Variants in PRKCB observed in about 807,000 individuals in gnomAD.
PRKCB encodes the protein protein kinase C beta type.
Under a neutral mutation model 81.5 loss-of-function variants are expected in PRKCB, and 13 were observed. The observed-to-expected ratio is 0.16, with a 90% CI of 0.10 to 0.25. The LOEUF (loss-of-function observed/expected upper bound fraction) is 0.25. Among genes scored for constraint, PRKCB ranks in the 10% least tolerant of loss-of-function variants. The pLI is 1.00. For synonymous variants in PRKCB, 335 were observed against 321.4 expected (o/e 1.04, Z -0.45); for missense variants, 509 against 875.7 (o/e 0.58, Z 5.29).
At chr16:24,064,696 G>A (rs993921177) in intron 5 of PRKCB, among the ~76,000 whole-genome samples, 3 of 151,504 alleles carry the variant, frequency 2.0e-5, no homozygotes, top group East Asian at 1.9e-4. Flanking sequence ...TATGATTCTG[G>A]GTTTTTTTCC....
At chr16:23,843,075 GT>G (rs1240483277) in intron 2 of PRKCB, among the ~76,000 whole-genome samples, 1 of 152,140 alleles carries the variant, frequency 6.6e-6, no homozygotes, top group Middle Eastern at 3.2e-3. Context: ...GTTTATTTTA[GT>G]GGGTAATTAA....
Position 24,036,273 on chromosome 16 carries a change from C to T in PRKCB, c.529+726C>T, listed in dbSNP as rs566350150. On this transcript the variant is annotated intron_variant, in intron 5 of 16. Coordinates refer to ENST00000643927, the MANE Select transcript of PRKCB (RefSeq NM_002738.7). The stretch of plus-strand genomic sequence containing the variant: ...CATGTATCCCAGCATTCAAGACATA[C>T]CTGGCTCTGATATGGGAAGTTCAAG... Among the ~76,000 whole-genome samples, 269 of 152,094 alleles carry T rather than the reference C, an allele frequency of 1.8e-3. 2 individuals carry two copies. Among genetic ancestry groups the T allele is most frequent in the African/African-American group, 6.0e-3 (249 of 41,460 alleles).
chr16:24,172,404 G>C (rs1428956354), intron 11 of PRKCB, 43 bp downstream of exon 11: 2 of 1,559,480 alleles, frequency 1.3e-6, no homozygotes, highest in Non-Finnish European at 1.8e-6. Flanking sequence ...GGGATAAATG[G>C]GTAGGTTAGT....
chr16:23,945,843 A>G (rs1184116901), intron 2 of PRKCB, among the ~76,000 whole-genome samples: 2 of 152,234 alleles, frequency 1.3e-5, no homozygotes, highest in Non-Finnish European at 2.9e-5. Flanking sequence ...GTTTCTCACC[A>G]TGGGCAATTT....
rs1966695829 is a variant in PRKCB at position 24,113,158 on chromosome 16, T to C, written c.918+89T>C. On this transcript the variant is annotated intron_variant, in intron 8 of 16. Transcript: ENST00000643927. Reference sequence around the variant, plus strand: ...GCTCCCTCCTCTTTCTTTCTCTTTCTCTCTTATTCTTTTTTCTCTCCTTCC... The same window carrying C: ...GCTCCCTCCTCTTTCTTTCTCTTTCCCTCTTATTCTTTTTTCTCTCCTTCC... 3 of 927,958 alleles carry C rather than the reference T, an allele frequency of 3.2e-6. No homozygotes were observed. The Admixed American group carries it at 9.2e-5, about 29-fold the overall frequency. The allele number at this position is 927,958 out of a possible 1,614,324, so 57.5% of individuals were successfully genotyped here. A position where few individuals can be genotyped will look rare whatever the true frequency, so the allele number is the denominator to read the frequency against.
chr16:23,842,912 A>T (rs1183190447), intron 2 of PRKCB, among the ~76,000 whole-genome samples: 1 of 152,238 alleles, frequency 6.6e-6, no homozygotes, highest in African/African-American at 2.4e-5. Flanking sequence ...GCTAGAATTG[A>T]TGATAATGAG....
intron 9 of PRKCB, 100 bp from the exon 10 acceptor site, chr16:24,154,584 C>A: frequency 8.7e-7 from 1 of 1,149,508 alleles, no homozygotes; most frequent in Non-Finnish European, 1.3e-6. Context: ...ACAGAAGGCA[C>A]CTATACAAAG....
chr16:24,077,110 C>T (rs1274663205), intron 5 of PRKCB, among the ~76,000 whole-genome samples: 1 of 152,056 alleles, frequency 6.6e-6, no homozygotes, highest in Non-Finnish European at 1.5e-5. Flanking sequence ...TGTTCCAGTA[C>T]TGAGCACAGC....
In PRKCB at chr16:23,902,804, T is replaced by C. The variant is rs867223927; in HGVS notation, c.205+65398T>C. Among the ~76,000 whole-genome samples the C allele has an allele frequency of 7.1e-3, 343 of 48,226 alleles. 5 individuals carry two copies. Among genetic ancestry groups the C allele is most frequent in the South Asian group, 0.025 (31 of 1,238 alleles). 31.6% of individuals were successfully genotyped at this position (48,226 alleles called of 152,430 possible). A position where few individuals can be genotyped will look rare whatever the true frequency, so the allele number is the denominator to read the frequency against. ...TTCCTCCCTCCCTCCCTCCCTTCCT[T>C]CCTTCCTTCCTTTTTTTGAGATAGG... On this transcript the variant is annotated intron_variant, in intron 2 of 16. Coordinates refer to ENST00000643927, the MANE Select transcript of PRKCB (RefSeq NM_002738.7).
intron 10 of PRKCB, among the ~76,000 whole-genome samples, chr16:24,160,086 T>C (rs1340558202): frequency 6.6e-6 from 1 of 152,092 alleles, no homozygotes; most frequent in African/African-American, 2.4e-5. Flanking sequence ...CACATTTCTA[T>C]TCAATGGAAA....
intron 3 of PRKCB, among the ~76,000 whole-genome samples, chr16:24,002,346 C>T (rs569328399): frequency 3.8e-4 from 57 of 151,052 alleles, no homozygotes; most frequent in African/African-American, 1.3e-3. Flanking sequence ...TGTGTGCGTG[C>T]GTGCGTGTGT....
intron 3 of PRKCB, among the ~76,000 whole-genome samples, chr16:24,015,239 A>C (rs72779937): frequency 6.6e-6 from 1 of 152,132 alleles, no homozygotes; most frequent in Non-Finnish European, 1.5e-5. Context: ...CAGCACTGTC[A>C]TTTCTCTCCA....
In PRKCB at chr16:23,856,701, T is replaced by A. The variant is rs1341627131; in HGVS notation, c.205+19295T>A. Among the ~76,000 whole-genome samples, 5 of 152,088 alleles carry A rather than the reference T, an allele frequency of 3.3e-5. No individual in the cohort carries two copies. In the East Asian group the frequency reaches 9.6e-4, roughly 29 times the overall value. On this transcript the variant is annotated intron_variant, in intron 2 of 16. Coordinates refer to ENST00000643927, the MANE Select transcript of PRKCB (RefSeq NM_002738.7). ...ATCATGCCTGGCTAATTTCTAAAAC[T>A]TTTTGTAGAGATAGGGTCTCCCTAT...
At chr16:23,848,696 G>C (rs1246845773) in intron 2 of PRKCB, among the ~76,000 whole-genome samples, 1 of 152,186 alleles carries the variant, frequency 6.6e-6, no homozygotes, top group African/African-American at 2.4e-5. Context: ...AGAAAGAAAG[G>C]CTTCGATTTA....
chr16:24,131,393 G>A (rs1449561333), intron 9 of PRKCB, among the ~76,000 whole-genome samples: 1 of 152,196 alleles, frequency 6.6e-6, no homozygotes, highest in Non-Finnish European at 1.5e-5. Flanking sequence ...GCTGTGGAGG[G>A]TCTGGTGGTG....
rs559631819 is a variant in PRKCB at position 24,219,366 on chromosome 16, T to C, written c.*4550T>C. The C allele has an allele frequency of 3.0e-6, 3 of 985,438 alleles. No individual in the cohort carries two copies. The African/African-American group carries it at 5.2e-5, about 17-fold the overall frequency. The allele number at this position is 985,438 out of a possible 1,614,324, so 61.0% of individuals were successfully genotyped here. On this transcript the variant is annotated 3_prime_UTR_variant, in exon 17 of 17. Transcript: ENST00000643927. ...TAAAAATGTCTTTGGAGAGAACTTC[T>C]GCCTGATAAACACCCAATTCTAGAC... is the stretch of plus-strand genomic sequence containing the variant.
Position 24,191,220 on chromosome 16 carries a change from A to G in PRKCB, c.1853A>G (p.Lys618Arg). The change falls in exon 16 of 17, where the codon AAG becomes AGG. Residue 618 changes from lysine (K) to arginine (R), a missense_variant. Lys to Arg is a conservative substitution (Grantham distance 26). Around this residue, in one of 6 missense-constraint regions of PRKCB, gnomAD observed 104 missense variants for 160.5 expected, o/e 0.65. Coordinates refer to ENST00000643927, the MANE Select transcript of PRKCB (RefSeq NM_002738.7). ...LERKEIQPPY[K>R]PKACGRNAEN... is the part of the protein sequence containing the mutation. Reference sequence around the variant, plus strand: ...CGCAAAGAGATCCAGCCCCCTTATAAGCCAAAAGCTGTAAGTAGCCCATTC... The same window carrying G: ...CGCAAAGAGATCCAGCCCCCTTATAGGCCAAAAGCTGTAAGTAGCCCATTC... 4 of 1,614,054 alleles carry G rather than the reference A, an allele frequency of 2.5e-6. No homozygotes were observed. The highest frequency in any genetic ancestry group is 3.4e-6 in the Non-Finnish European group (4 of 1,179,944).
chr16:24,021,188 CTCTTTCTTTCTTTCTTTCTT>C lies in PRKCB; in HGVS notation c.289-10921_289-10902del, dbSNP rs58292773. Among the ~76,000 whole-genome samples, 23 of 62,118 alleles carry C rather than the reference CTCTTTCTTTCTTTCTTTCTT, an allele frequency of 3.7e-4. No individual in the cohort carries two copies. The East Asian group carries it at 5.6e-3, about 15-fold the overall frequency. The allele number at this position is 62,118 out of a possible 152,430, so 40.8% of individuals were successfully genotyped here. On this transcript the variant is annotated intron_variant, in intron 3 of 16. Coordinates refer to ENST00000643927, the MANE Select transcript of PRKCB (RefSeq NM_002738.7). Reference sequence around the variant, plus strand: ...CTCTCTCCCTCCCTTCCCTTCCTTCCTCTTTCTTTCTTTCTTTCTTTCTTTCTTTCTTTCTTTCTTTCTTT... The same window carrying C: ...CTCTCTCCCTCCCTTCCCTTCCTTCCTCTTTCTTTCTTTCTTTCTTTCTTT...
At chr16:23,868,644 A>G (rs1962848368) in intron 2 of PRKCB, among the ~76,000 whole-genome samples, 1 of 152,212 alleles carries the variant, frequency 6.6e-6, no homozygotes, top group Admixed American at 6.5e-5. Context: ...CACCACATTA[A>G]TGTCTTGATA....
Sources: allele counts gnomAD v4.1 joint callset (sites outside exome capture counted in the v4.1 genomes callset), GRCh38; gene constraint gnomAD v4.1.1; regional missense constraint gnomAD v4.1.1; transcripts MANE v1.5; gene names NCBI Gene and HGNC (gene_info 2026-07-23, HGNC 2026-07-21).